MTUS2: variants seen among roughly 807,000 people sequenced by gnomAD.
The protein encoded by MTUS2 is microtubule-associated tumor suppressor candidate 2.
In MTUS2, 40 loss-of-function variants were observed where a neutral mutation model predicts 114.1. That is an observed-to-expected ratio of 0.35 (90% confidence interval 0.27 to 0.46). The LOEUF (loss-of-function observed/expected upper bound fraction) is 0.46, where lower values mean the gene tolerates loss of function less well. Among genes scored for constraint, MTUS2 ranks in the 20% least tolerant of loss-of-function variants. MTUS2 has a pLI of 1.00. For synonymous variants in MTUS2, 688 were observed against 672.0 expected, an observed-to-expected ratio of 1.02 and a Z score of -0.37; for missense variants, 1,679 against 1,705.4, an observed-to-expected ratio of 0.98 and a Z score of 0.27.
At chr13:29,380,486 T>C (rs963288567) in intron 8 of MTUS2, among the ~76,000 whole-genome samples, 2 of 152,240 alleles carry the variant, frequency 1.3e-5, no homozygotes, top group African/African-American at 2.4e-5. Flanking sequence ...GGGGTTTGAC[T>C]TGGCATAACC....
chr13:29,310,148 G>A (rs1013044371), intron 6 of MTUS2, among the ~76,000 whole-genome samples: 1 of 152,110 alleles, frequency 6.6e-6, no homozygotes, highest in Non-Finnish European at 1.5e-5. Context: ...TTTATGCTAA[G>A]CGCTCTTAAT....
At chr13:29,088,632 G>C (rs1255016127) in intron 4 of MTUS2, among the ~76,000 whole-genome samples, 1 of 152,084 alleles carries the variant, frequency 6.6e-6, no homozygotes, top group East Asian at 1.9e-4. Flanking sequence ...AATGAATCTT[G>C]GTGCTGCAAT....
chr13:29,403,407 C>T (rs1874500033), intron 8 of MTUS2, among the ~76,000 whole-genome samples: 1 of 152,202 alleles, frequency 6.6e-6, no homozygotes, highest in Admixed American at 6.5e-5. Context: ...ACTGGGAATA[C>T]TCTGTGATGG....
chr13:29,363,965 T>A (rs1048899915), intron 8 of MTUS2, among the ~76,000 whole-genome samples: 1 of 152,296 alleles, frequency 6.6e-6, no homozygotes, highest in East Asian at 1.9e-4. Flanking sequence ...GGAGATTGCA[T>A]AGTCCTCTGA....
chr13:29,134,195 A>G (rs548703259), intron 5 of MTUS2, among the ~76,000 whole-genome samples: 165 of 151,968 alleles, frequency 1.1e-3, no homozygotes, highest in African/African-American at 3.8e-3. Context: ...TTGAATTTTC[A>G]CTTTCCTTCT....
chr13:29,225,291 G>T (rs1054910693), intron 5 of MTUS2, among the ~76,000 whole-genome samples: 5 of 152,026 alleles, frequency 3.3e-5, no homozygotes, highest in Non-Finnish European at 5.9e-5. Context: ...TTTTTAATCC[G>T]TTACTGGCAT....
At chr13:29,244,427 C>T (rs749332766) in intron 5 of MTUS2, among the ~76,000 whole-genome samples, 6 of 151,772 alleles carry the variant, frequency 4.0e-5, no homozygotes, top group African/African-American at 4.8e-5. Context: ...CCATGGATCC[C>T]GGGAAAAGGA....
intron 4 of MTUS2, among the ~76,000 whole-genome samples, chr13:29,056,608 T>C: frequency 6.6e-6 from 1 of 151,794 alleles, no homozygotes; most frequent in Non-Finnish European, 1.5e-5. Flanking sequence ...TTCATCTAGG[T>C]TTTCTAGTTT....
chr13:28,942,908 T>C (rs992445016), intron 2 of MTUS2, among the ~76,000 whole-genome samples: 1 of 152,216 alleles, frequency 6.6e-6, no homozygotes, highest in Admixed American at 6.5e-5. Flanking sequence ...GTACTTCATG[T>C]TGATTCATTT....
chr13:29,153,207 G>A (rs1455572491), intron 5 of MTUS2, among the ~76,000 whole-genome samples: 1 of 152,088 alleles, frequency 6.6e-6, no homozygotes, highest in Non-Finnish European at 1.5e-5. Flanking sequence ...CCAAAGTGAA[G>A]CCCAGCTTCC....
At chr13:29,425,803 G>A (rs1876477618) in intron 8 of MTUS2, among the ~76,000 whole-genome samples, 4 of 152,160 alleles carry the variant, frequency 2.6e-5, no homozygotes, top group Admixed American at 2.0e-4. Flanking sequence ...CGGAAGTGCC[G>A]TGCCCTTCAG....
intron 2 of MTUS2, among the ~76,000 whole-genome samples, chr13:28,921,947 C>G (rs1236832970): frequency 6.6e-6 from 1 of 152,172 alleles, no homozygotes; most frequent in African/African-American, 2.4e-5. Flanking sequence ...TGGTTGGTGT[C>G]TCAGTAGGGC....
At chr13:29,423,723 G>A (rs1876290724) in intron 8 of MTUS2, among the ~76,000 whole-genome samples, 1 of 152,204 alleles carries the variant, frequency 6.6e-6, no homozygotes, top group South Asian at 2.1e-4. Flanking sequence ...GCATGTAAAA[G>A]ATGATTAGGC....
intron 2 of MTUS2, among the ~76,000 whole-genome samples, chr13:28,930,318 T>A (rs990989017): frequency 2.8e-4 from 42 of 152,210 alleles, no homozygotes; most frequent in Non-Finnish European, 5.9e-5. Context: ...TACCATTTTT[T>A]CCAAAGGTAA....
At chr13:29,326,227 G>T (rs1046048559) in intron 7 of MTUS2, among the ~76,000 whole-genome samples, 3 of 152,146 alleles carry the variant, frequency 2.0e-5, no homozygotes, top group African/African-American at 4.8e-5. Context: ...AGGAACCTTT[G>T]ACCACAAGCC....
chr13:29,064,997 T>C (rs1888600283), intron 4 of MTUS2, among the ~76,000 whole-genome samples: 1 of 152,230 alleles, frequency 6.6e-6, no homozygotes, highest in South Asian at 2.1e-4. Flanking sequence ...ACGGTATGTA[T>C]GTTCCACATT....
chr13:29,390,061 A>G (rs1465889498), intron 8 of MTUS2, among the ~76,000 whole-genome samples: 1 of 138,686 alleles, frequency 7.2e-6, no homozygotes, highest in East Asian at 2.3e-4. Context: ...ACATACATAT[A>G]TACACATACA....
chr13:28,907,105 C>G (rs1201460505), intron 2 of MTUS2, among the ~76,000 whole-genome samples: 2 of 151,388 alleles, frequency 1.3e-5, no homozygotes, highest in Non-Finnish European at 2.9e-5. Context: ...ATTCAACATT[C>G]TTAAAGAAAA....
At chr13:29,377,846 C>G (rs1871869687) in intron 8 of MTUS2, among the ~76,000 whole-genome samples, 1 of 152,066 alleles carries the variant, frequency 6.6e-6, no homozygotes, top group South Asian at 2.1e-4. Context: ...TTGAAGTGGT[C>G]AATGAAACTG....
Sources: gnomAD v4.1 joint callset for allele counts (sites outside exome capture counted in the v4.1 genomes callset) on GRCh38, gnomAD v4.1.1 for gene constraint, MANE v1.5 for transcripts, NCBI Gene and HGNC (gene_info 2026-07-23, HGNC 2026-07-21) for gene names.